Variants in RPA3 observed in about 807,000 individuals in gnomAD.
RPA3 encodes replication protein A 14 kDa subunit.
RPA3 carries 24 observed loss-of-function variants against 13.7 expected under a neutral mutation model. The ratio of observed to expected loss-of-function variants is 1.75; its 90% confidence interval spans 1.27 to 2.46. The LOEUF (loss-of-function observed/expected upper bound fraction) is 2.46. Among genes scored for constraint, RPA3 ranks in the 30% most tolerant of loss-of-function variants. The probability of loss-of-function intolerance (pLI) is 0.00; values close to 1 mark genes in which losing one functional copy is unlikely to be tolerated. For synonymous variants in RPA3, 59 were observed against 51.2 expected (o/e 1.15, Z -0.65); for missense variants, 183 against 151.0 (o/e 1.21, Z -1.11).
intron 4 of RPA3, among the ~76,000 whole-genome samples, chr7:7,682,082 T>C (rs980062888): frequency 6.6e-6 from 1 of 152,148 alleles, no homozygotes; most frequent in Non-Finnish European, 1.5e-5. Context: ...GCAAACACTA[T>C]TGTAGAGATT....
intron 4 of RPA3, among the ~76,000 whole-genome samples, chr7:7,665,514 A>G (rs1779421637): frequency 6.6e-6 from 1 of 152,226 alleles, no homozygotes. Context: ...GTGTCAATAA[A>G]TTTTTAAAGA....
chr7:7,646,066 G>A (rs1785086832), intron 4 of RPA3, among the ~76,000 whole-genome samples: 1 of 152,184 alleles, frequency 6.6e-6, no homozygotes, highest in Non-Finnish European at 1.5e-5. Context: ...CCAGCCCCAT[G>A]GCAGTGTCTA....
chr7:7,640,133 T>C (rs929985945), intron 5 of RPA3, 187 bp downstream of exon 5: 10 of 623,934 alleles, frequency 1.6e-5, no homozygotes, highest in African/African-American at 5.6e-5. Flanking sequence ...TTTGTTTCCG[T>C]GCCATAAAAG....
At chr7:7,658,108 G>C (rs1485447588) in intron 4 of RPA3, among the ~76,000 whole-genome samples, 1 of 152,088 alleles carries the variant, frequency 6.6e-6, no homozygotes, top group Non-Finnish European at 1.5e-5. Flanking sequence ...TTGGCTCTCT[G>C]TTTGTCTATT....
intron 4 of RPA3, among the ~76,000 whole-genome samples, chr7:7,652,295 A>G (rs1479651104): frequency 6.6e-6 from 1 of 152,176 alleles, no homozygotes; most frequent in East Asian, 1.9e-4. Context: ...TTCTTGGTCA[A>G]TACCCATTGA....
chr7:7,700,753 T>G (rs1326327876), intron 2 of RPA3, among the ~76,000 whole-genome samples: 1 of 152,076 alleles, frequency 6.6e-6, no homozygotes, highest in Non-Finnish European at 1.5e-5. Flanking sequence ...CCAGGCATGG[T>G]GGTGGGTGCC....
chr7:7,698,207 G>T (rs1272104644), intron 2 of RPA3, among the ~76,000 whole-genome samples: 4 of 152,188 alleles, frequency 2.6e-5, no homozygotes. Flanking sequence ...TGCTTCATTA[G>T]TGTTTTTGGA....
At chr7:7,718,005 A>T (rs1305400437) in intron 1 of RPA3, among the ~76,000 whole-genome samples, 3 of 152,224 alleles carry the variant, frequency 2.0e-5, no homozygotes, top group Non-Finnish European at 2.9e-5. Flanking sequence ...AGTTTAGGGA[A>T]ATCTAGTTTT....
chr7:7,697,710 C>G (rs1780354503), intron 2 of RPA3, among the ~76,000 whole-genome samples: 1 of 152,104 alleles, frequency 6.6e-6, no homozygotes, highest in Non-Finnish European at 1.5e-5. Flanking sequence ...ACATAAAATG[C>G]TTTAAATTAT....
chr7:7,713,000 T>A (rs1383315058), intron 2 of RPA3, among the ~76,000 whole-genome samples: 2 of 152,102 alleles, frequency 1.3e-5, no homozygotes, highest in African/African-American at 4.8e-5. Flanking sequence ...ACTAGCCTAT[T>A]GTGTCAATTT....
At chr7:7,691,709 A>G (rs551618709) in intron 2 of RPA3, among the ~76,000 whole-genome samples, 12 of 152,216 alleles carry the variant, frequency 7.9e-5, no homozygotes, top group Non-Finnish European at 1.3e-4. Flanking sequence ...TTTTTGTTCT[A>G]TGTATTTAAA....
chr7:7,682,108 C>T (rs938347279), intron 4 of RPA3, among the ~76,000 whole-genome samples: 1 of 152,076 alleles, frequency 6.6e-6, no homozygotes. Flanking sequence ...AATTGGGTTA[C>T]AGTACAAGGG....
At chr7:7,673,835 A>G (rs1779674870) in intron 4 of RPA3, among the ~76,000 whole-genome samples, 2 of 152,210 alleles carry the variant, frequency 1.3e-5, no homozygotes, top group Admixed American at 1.3e-4. Context: ...TAGGCATCCA[A>G]TAAATATTTG....
intron 2 of RPA3, among the ~76,000 whole-genome samples, chr7:7,711,877 G>T (rs1278015127): frequency 1.3e-5 from 2 of 152,118 alleles, no homozygotes; most frequent in Non-Finnish European, 2.9e-5. Context: ...TTGGAGATCA[G>T]AAAGTCATCT....
intron 2 of RPA3, among the ~76,000 whole-genome samples, chr7:7,699,051 G>GT (rs944011752): frequency 8.2e-4 from 57 of 69,802 alleles, no homozygotes; most frequent in Middle Eastern, 7.5e-3. Flanking sequence ...TGTGTGTGTG[G>GT]GGGGGGGGTA....
At chr7:7,677,484 C>T (rs898074325) in intron 4 of RPA3, among the ~76,000 whole-genome samples, 1 of 152,026 alleles carries the variant, frequency 6.6e-6, no homozygotes, top group African/African-American at 2.4e-5. Context: ...TGAGCTCCCT[C>T]ATATGAGTGA....
chr7:7,713,474 C>A (rs1005597116), intron 2 of RPA3, among the ~76,000 whole-genome samples: 31 of 152,028 alleles, frequency 2.0e-4, no homozygotes, highest in African/African-American at 6.7e-4. Context: ...GCTCCTCCCC[C>A]CCATGGCAAT....
chr7:7,677,610 G>C (rs1288020099), intron 4 of RPA3, among the ~76,000 whole-genome samples: 2 of 148,880 alleles, frequency 1.3e-5, no homozygotes, highest in Admixed American at 1.3e-4. Context: ...TGGCTAAATA[G>C]TATTCCATTG....
chr7:7,659,619 G>T (rs1007548142), intron 4 of RPA3, among the ~76,000 whole-genome samples: 1 of 152,184 alleles, frequency 6.6e-6, no homozygotes, highest in Admixed American at 6.5e-5. Flanking sequence ...GCAGTTTTGA[G>T]TGAGTTTCTT....
Sources: gnomAD v4.1 joint callset for allele counts (sites outside exome capture counted in the v4.1 genomes callset) on GRCh38, gnomAD v4.1.1 for gene constraint, MANE v1.5 for transcripts, NCBI Gene and HGNC (gene_info 2026-07-23, HGNC 2026-07-21) for gene names.